Variants in MYO5A observed in about 807,000 individuals in gnomAD.
The protein encoded by MYO5A is myosin VA, also known as unconventional myosin-Va.
In MYO5A, 98 loss-of-function variants were observed where a neutral mutation model predicts 249.7. That is an observed-to-expected ratio of 0.39 (90% CI 0.33 to 0.46). The LOEUF is 0.46. Among genes scored for constraint, MYO5A ranks in the 20% least tolerant of loss-of-function variants. The pLI is 0.98. For synonymous variants in MYO5A, 778 were observed against 810.6 expected (o/e 0.96, Z 0.68); for missense variants, 1,696 against 2,308.8 (o/e 0.73, Z 5.44).
intron 31 of MYO5A, 57 bp from the exon 32 acceptor site, chr15:52,340,451 C>CGGGT: frequency 2.7e-6 from 4 of 1,490,386 alleles, no homozygotes; most frequent in Non-Finnish European, 3.7e-6. Context: ...TGCTGCCTAA[C>CGGGT]GGGTGTAAGG....
At position 52,370,045 on chromosome 15, in the gene MYO5A, T is replaced by C. The variant is rs554983773; in HGVS notation, c.3066+124A>G. 4.9e-5 allele frequency: 61 copies of C among 1,253,460 alleles called. No homozygotes were observed. In the East Asian group the frequency reaches 1.3e-3, roughly 27 times the overall value. The allele number at this position is 1,253,460 out of a possible 1,614,324, so 77.6% of individuals were successfully genotyped here. On this transcript the variant is annotated intron_variant, in intron 22 of 41. Coordinates refer to ENST00000399233, the MANE Select transcript of MYO5A (RefSeq NM_001382347.1). ...CTTGGGAAACAGTAATAATGAACAG[T>C]AATTCAACTAAAATTTGTACTGCAT...
intron 1 of MYO5A, among the ~76,000 whole-genome samples, chr15:52,494,090 C>T (rs1468636520): frequency 6.6e-6 from 1 of 152,118 alleles, no homozygotes; most frequent in Non-Finnish European, 1.5e-5. Context: ...GCAGGGAGGA[C>T]CAGAGCAAAT....
chr15:52,390,550 T>G (rs1489808602), intron 12 of MYO5A, among the ~76,000 whole-genome samples: 1 of 148,430 alleles, frequency 6.7e-6, no homozygotes, highest in African/African-American at 2.5e-5. Flanking sequence ...CTCCCTCTCT[T>G]TTTTTTTTTC....
intron 31 of MYO5A, among the ~76,000 whole-genome samples, chr15:52,340,767 C>T (rs376906656): frequency 6.6e-6 from 1 of 151,814 alleles, no homozygotes; most frequent in African/African-American, 2.4e-5. Context: ...GCCAACATAG[C>T]GAAACCCCAT....
At chr15:52,422,633 A>G (rs1350752467) in intron 4 of MYO5A, among the ~76,000 whole-genome samples, 1 of 152,156 alleles carries the variant, frequency 6.6e-6, no homozygotes, top group Non-Finnish European at 1.5e-5. Flanking sequence ...TTTTCCATGG[A>G]TCAAGGCAAT....
At chr15:52,468,208 G>A (rs1169067166) in intron 1 of MYO5A, among the ~76,000 whole-genome samples, 5 of 151,954 alleles carry the variant, frequency 3.3e-5, no homozygotes, top group East Asian at 1.9e-4. Context: ...CCAACTATTC[G>A]GGAGGATCAC....
At chr15:52,376,180 G>A (rs1339309045) in intron 19 of MYO5A, among the ~76,000 whole-genome samples, 167 bp downstream of exon 19, 1 of 152,208 alleles carries the variant, frequency 6.6e-6, no homozygotes, top group Admixed American at 6.5e-5. Context: ...CATTCATAAG[G>A]CTGAGTGAAA....
At chr15:52,360,428 G>A (rs2040461713) in intron 24 of MYO5A, among the ~76,000 whole-genome samples, 1 of 152,172 alleles carries the variant, frequency 6.6e-6, no homozygotes, top group African/African-American at 2.4e-5. Context: ...TCCAAGCACT[G>A]ACTTTTAGTG....
intron 24 of MYO5A, 37 bp downstream of exon 24, chr15:52,364,517 T>A: frequency 3.8e-6 from 6 of 1,585,338 alleles, no homozygotes; most frequent in Non-Finnish European, 4.3e-6. Context: ...ATGTTTAAAA[T>A]TTTTCATTAA....
Position 52,346,440 on chromosome 15 carries a change from T to A in MYO5A, c.3880A>T (p.Ile1294Leu). ...DDKNTMTDST[I>L]LLEDVQKMKD... Reference sequence around the variant, plus strand: ...ATTTTTTGTACATCTTCCAAAAGTATTGTGGAATCTGTCATTGTATTCTGA... The same window carrying A: ...ATTTTTTGTACATCTTCCAAAAGTAATGTGGAATCTGTCATTGTATTCTGA... The change falls in exon 30 of 42, where the codon ATA (isoleucine) becomes TTA (leucine). Residue 1294 changes from isoleucine to leucine, a missense_variant. Transcript: ENST00000399233. 2 of 1,599,368 alleles carry A rather than the reference T, an allele frequency of 1.3e-6. No homozygotes were observed. Among genetic ancestry groups the A allele is most frequent in the Non-Finnish European group, 1.7e-6 (2 of 1,167,036 alleles).
intron 30 of MYO5A, among the ~76,000 whole-genome samples, chr15:52,345,741 G>A (rs1169423283): frequency 6.6e-6 from 1 of 152,124 alleles, no homozygotes; most frequent in Non-Finnish European, 1.5e-5. Context: ...CTTTCTTTTT[G>A]TATGGCAATA....
chr15:52,316,637 A>G (rs12324121), intron 40 of MYO5A, among the ~76,000 whole-genome samples: 72,167 of 152,092 alleles, frequency 0.47, 20,457 homozygotes, highest in Non-Finnish European at 0.62. Context: ...TGAAGTAACA[A>G]GAATTATCTG....
chr15:52,473,795 C>G (rs548838096), intron 1 of MYO5A, among the ~76,000 whole-genome samples: 1 of 152,096 alleles, frequency 6.6e-6, no homozygotes, highest in African/African-American at 2.4e-5. Flanking sequence ...GTTACTGTAG[C>G]CTTGTAGTAT....
At chr15:52,473,872 T>C (rs570789597) in intron 1 of MYO5A, among the ~76,000 whole-genome samples, 1 of 152,348 alleles carries the variant, frequency 6.6e-6, no homozygotes, top group Non-Finnish European at 1.5e-5. Flanking sequence ...CTTGGCAATG[T>C]GGGCTCTTCT....
At chr15:52,417,709 T>A (rs1160814666) in intron 4 of MYO5A, among the ~76,000 whole-genome samples, 1 of 152,154 alleles carries the variant, frequency 6.6e-6, no homozygotes, top group East Asian at 1.9e-4. Context: ...GGGAGTGGGC[T>A]CCTGATAAAA....
chr15:52,459,595 A>C (rs1229819654), intron 1 of MYO5A, among the ~76,000 whole-genome samples: 1 of 152,160 alleles, frequency 6.6e-6, no homozygotes, highest in Non-Finnish European at 1.5e-5. Flanking sequence ...TAACAATCTG[A>C]TCTCCCTTTC....
chr15:52,441,068 C>T (rs932830242), intron 1 of MYO5A, among the ~76,000 whole-genome samples: 3 of 152,196 alleles, frequency 2.0e-5, no homozygotes, highest in African/African-American at 7.2e-5. Flanking sequence ...CCAGTACCCC[C>T]TCCTCTGAAA....
At chr15:52,397,559 A>C in intron 9 of MYO5A, 93 bp from the exon 10 acceptor site, 1 of 1,454,804 alleles carries the variant, frequency 6.9e-7, no homozygotes, top group Admixed American at 1.7e-5. Context: ...AATAAAATTC[A>C]GCAATTTCTT....
chr15:52,335,326 G>A (rs947063042), intron 34 of MYO5A, among the ~76,000 whole-genome samples: 25 of 152,004 alleles, frequency 1.6e-4, no homozygotes, highest in Admixed American at 1.3e-4. Flanking sequence ...GATCAGCCTG[G>A]CCAACATGGT....
Sources: allele counts gnomAD v4.1 joint callset (sites outside exome capture counted in the v4.1 genomes callset), GRCh38; gene constraint gnomAD v4.1.1; transcripts MANE v1.5; gene names NCBI Gene and HGNC (gene_info 2026-07-23, HGNC 2026-07-21).